Variants in RBFOX1 observed in about 807,000 individuals in gnomAD.
RBFOX1 encodes the protein RNA binding fox-1 homolog 1, also known as RNA binding protein fox-1 homolog 1.
Under a neutral mutation model 57.7 loss-of-function variants are expected in RBFOX1, and 8 were observed. That is an observed-to-expected ratio of 0.14 (90% CI 0.08 to 0.25). The LOEUF is 0.25. RBFOX1 is among the 10% of genes least tolerant of loss of function. The pLI is 1.00. For missense variants in RBFOX1, 611 were observed against 548.5 expected (o/e 1.11, Z -1.14); for synonymous variants, 326 against 222.4 (o/e 1.47, Z -4.15).
Position 5,268,132 on chromosome 16 carries a change from C to G in RBFOX1, c.219+28027C>G, listed in dbSNP as rs191181397. ...GACTCCATCAGAGTTGACTCTAACA[C>G]AAATTTGGTAAGAGCCCAAGGTCTG... On this transcript the variant is annotated intron_variant, in intron 1 of 2. Transcript: ENST00000585867. Among the ~76,000 whole-genome samples the G allele has an allele frequency of 9.2e-4, 139 of 151,868 alleles. 1 individual carries two copies. The highest frequency in any genetic ancestry group is 3.2e-3 in the African/African-American group (133 of 41,424).
At chr16:6,304,140 T>G (rs1160200684) in intron 1 of RBFOX1, among the ~76,000 whole-genome samples, 1 of 151,632 alleles carries the variant, frequency 6.6e-6, no homozygotes, top group Non-Finnish European at 1.5e-5. Context: ...ATACAAAAAT[T>G]ACCCAGGCGT....
intron 3 of RBFOX1, among the ~76,000 whole-genome samples, chr16:6,807,881 G>T (rs868417475): frequency 7.4e-6 from 1 of 136,006 alleles, no homozygotes; most frequent in East Asian, 2.0e-4. Flanking sequence ...ATCTAGTTCT[G>T]TTGAATATAT....
intron 4 of RBFOX1, among the ~76,000 whole-genome samples, chr16:5,992,910 C>T (rs1009578633): frequency 6.6e-6 from 1 of 152,136 alleles, no homozygotes; most frequent in Non-Finnish European, 1.5e-5. Flanking sequence ...GCACTCCAGC[C>T]TGGGTGTCAG....
intron 1 of RBFOX1, among the ~76,000 whole-genome samples, chr16:5,286,124 C>G (rs1474429449): frequency 2.0e-5 from 3 of 152,110 alleles, no homozygotes; most frequent in African/African-American, 7.2e-5. Flanking sequence ...ATGGGGATGC[C>G]AGGAAGTCTT....
chr16:5,437,582 C>G (rs181033050), intron 1 of RBFOX1, among the ~76,000 whole-genome samples: 7 of 152,192 alleles, frequency 4.6e-5, no homozygotes, highest in Non-Finnish European at 1.0e-4. Context: ...AAAAATTGCA[C>G]TAAAAATTGT....
In RBFOX1 at chr16:6,056,136, G is replaced by C. The variant is rs147761240; in HGVS notation, c.-127+36144G>C. Among the ~76,000 whole-genome samples the C allele has an allele frequency of 3.3e-5, 5 of 152,122 alleles. No homozygotes were observed. In the East Asian group the frequency reaches 7.7e-4, roughly 23 times the overall value. On this transcript the variant is annotated intron_variant, in intron 1 of 15. Transcript: ENST00000550418. Reference sequence around the variant, plus strand: ...AACGGCGGGAAAATATCTGTCCATAGCTGCTTGTCATTTTTGTGTCAGCTC... The same window carrying C: ...AACGGCGGGAAAATATCTGTCCATACCTGCTTGTCATTTTTGTGTCAGCTC...
intron 4 of RBFOX1, among the ~76,000 whole-genome samples, chr16:6,002,510 C>G (rs2060619386): frequency 6.6e-6 from 1 of 152,060 alleles, no homozygotes; most frequent in African/African-American, 2.4e-5. Context: ...TCTTCTTTGC[C>G]CATGAGTTTG....
chr16:5,790,270 G>T (rs189936710), intron 3 of RBFOX1, among the ~76,000 whole-genome samples: 51 of 152,314 alleles, frequency 3.3e-4, no homozygotes, highest in Non-Finnish European at 2.1e-4. Flanking sequence ...GGGAAGTGGA[G>T]CCCAGTTGTG....
At chr16:7,547,245 C>T (rs1240059641) in intron 5 of RBFOX1, among the ~76,000 whole-genome samples, 1 of 152,164 alleles carries the variant, frequency 6.6e-6, no homozygotes, top group Admixed American at 6.5e-5. Context: ...CTGTAAAATC[C>T]AGCAGGCAAC....
intron 14 of RBFOX1, among the ~76,000 whole-genome samples, chr16:7,688,082 A>G (rs762839174): frequency 3.3e-5 from 5 of 151,616 alleles, no homozygotes; most frequent in Non-Finnish European, 7.4e-5. Context: ...CTTATAAACA[A>G]CAGATATCCC....
intron 3 of RBFOX1, among the ~76,000 whole-genome samples, chr16:6,831,493 A>G (rs997060774): frequency 1.3e-5 from 2 of 152,192 alleles, no homozygotes; most frequent in Non-Finnish European, 2.9e-5. Flanking sequence ...TCATTTACTT[A>G]GCCTAATATA....
intron 1 of RBFOX1, among the ~76,000 whole-genome samples, chr16:5,393,662 A>AG (rs1226151732): frequency 2.0e-5 from 3 of 152,132 alleles, no homozygotes; most frequent in Non-Finnish European, 4.4e-5. Flanking sequence ...TTTCAAAAAA[A>AG]GGAGGTGTTC....
At chr16:7,238,376 C>A (rs986462933) in intron 4 of RBFOX1, among the ~76,000 whole-genome samples, 1 of 152,096 alleles carries the variant, frequency 6.6e-6, no homozygotes, top group Non-Finnish European at 1.5e-5. Context: ...GAAGTAAATT[C>A]TGCTTTCTGC....
intron 4 of RBFOX1, among the ~76,000 whole-genome samples, chr16:7,154,426 C>T (rs764021554): frequency 6.6e-6 from 1 of 152,164 alleles, no homozygotes; most frequent in Non-Finnish European, 1.5e-5. Flanking sequence ...GATATGGTCC[C>T]ATCACAGAAG....
At chr16:6,842,320 GAAAC>G (rs1156385822) in intron 3 of RBFOX1, among the ~76,000 whole-genome samples, 3 of 152,010 alleles carry the variant, frequency 2.0e-5, no homozygotes, top group South Asian at 2.1e-4. Context: ...TCTGATCAGA[GAAAC>G]AACACATACA....
chr16:6,972,151 A>G (rs117319556), intron 3 of RBFOX1, among the ~76,000 whole-genome samples: 1 of 152,316 alleles, frequency 6.6e-6, no homozygotes, highest in Non-Finnish European at 1.5e-5. Flanking sequence ...AATATAGTTC[A>G]GTAGTGTTCA....
At chr16:5,828,118 C>G (rs2056138717) in intron 3 of RBFOX1, among the ~76,000 whole-genome samples, 2 of 151,980 alleles carry the variant, frequency 1.3e-5, no homozygotes, top group Non-Finnish European at 2.9e-5. Flanking sequence ...TTAATCCACT[C>G]AGCCACCTAT....
chr16:6,508,898 CTG>C (rs1218968587), intron 2 of RBFOX1, among the ~76,000 whole-genome samples: 1 of 151,976 alleles, frequency 6.6e-6, no homozygotes, highest in Non-Finnish European at 1.5e-5. Context: ...ATTCTTAACA[CTG>C]TTGTTATCAT....
chr16:6,705,203 T>C (rs1288022094), intron 3 of RBFOX1: 1 of 152,120 alleles, frequency 6.6e-6, no homozygotes, highest in Non-Finnish European at 1.5e-5. Flanking sequence ...CAAAGTCCTT[T>C]TAAATGAACA....
Sources: allele counts gnomAD v4.1 joint callset (sites outside exome capture counted in the v4.1 genomes callset), GRCh38; gene constraint gnomAD v4.1.1; transcripts MANE v1.5; gene names NCBI Gene and HGNC (gene_info 2026-07-23, HGNC 2026-07-21).